INO80: variants seen among roughly 807,000 people sequenced by gnomAD.
INO80 encodes chromatin-remodeling ATPase INO80.
In INO80, 20 loss-of-function variants were observed where a neutral mutation model predicts 203.4. That is an observed-to-expected ratio of 0.10 (90% CI 0.07 to 0.14). The LOEUF (loss-of-function observed/expected upper bound fraction) is 0.14. Among genes scored for constraint, INO80 ranks in the 10% least tolerant of loss-of-function variants. The pLI is 1.00. For synonymous variants in INO80, 726 were observed against 685.2 expected, an observed-to-expected ratio of 1.06 and a Z score of -0.93; for missense variants, 1,419 against 1,914.4, an observed-to-expected ratio of 0.74 and a Z score of 4.83.
At chr15:41,106,403 A>G (rs1476384903) in intron 1 of INO80, among the ~76,000 whole-genome samples, 2 of 142,746 alleles carry the variant, frequency 1.4e-5, no homozygotes, top group African/African-American at 2.5e-5. Flanking sequence ...AAAAAAAAAG[A>G]GAAAGAAAGA....
intron 1 of INO80, among the ~76,000 whole-genome samples, chr15:41,105,523 G>A (rs536151029): frequency 1.5e-4 from 23 of 152,060 alleles, no homozygotes; most frequent in Non-Finnish European, 3.4e-4. Context: ...ACAGAAGTGC[G>A]CCAAGATTGG....
intron 26 of INO80, chr15:41,017,600 A>C (rs1409815418): frequency 2.0e-5 from 3 of 152,222 alleles, no homozygotes; most frequent in Non-Finnish European, 4.4e-5. Flanking sequence ...CAATTATTGT[A>C]TACAAGGAAC....
At chr15:41,102,549 AG>A (rs2045824449) in intron 1 of INO80, among the ~76,000 whole-genome samples, 1 of 152,020 alleles carries the variant, frequency 6.6e-6, no homozygotes, top group African/African-American at 2.4e-5. Flanking sequence ...GTTTGCCTGT[AG>A]TCCCAGCAAC....
At chr15:41,039,721 A>C (rs1023882128) in intron 24 of INO80, among the ~76,000 whole-genome samples, 1 of 152,176 alleles carries the variant, frequency 6.6e-6, no homozygotes, top group Non-Finnish European at 1.5e-5. Context: ...CCCTCCACGG[A>C]CCTTTGAGGT....
chr15:41,097,085 TTTC>T (rs1288847939), intron 1 of INO80, among the ~76,000 whole-genome samples: 3 of 152,214 alleles, frequency 2.0e-5, no homozygotes, highest in South Asian at 4.1e-4. Flanking sequence ...CTCCCACCAC[TTTC>T]TTGTTTGTTT....
intron 29 of INO80, among the ~76,000 whole-genome samples, chr15:40,988,418 G>A (rs1316137252): frequency 1.3e-5 from 2 of 152,188 alleles, no homozygotes; most frequent in African/African-American, 4.8e-5. Context: ...AGGCACAAAT[G>A]AGCTAGACAA....
At chr15:41,038,466 A>C (rs547385578) in intron 24 of INO80, among the ~76,000 whole-genome samples, 1 of 152,216 alleles carries the variant, frequency 6.6e-6, no homozygotes, top group Non-Finnish European at 1.5e-5. Context: ...TCTCCCTAAA[A>C]ATCCTTACAA....
Position 41,074,584 on chromosome 15 carries a change from G to T in INO80, c.1132-19C>A. On this transcript the variant is annotated intron_variant, in intron 9 of 35. Coordinates refer to ENST00000648947, the MANE Select transcript of INO80 (RefSeq NM_017553.3). ...TCTTGGCCTAAAGAGGGAAAAAAGT[G>T]AAAACAGAGCCAAATTATCAATGAT... The T allele has an allele frequency of 6.4e-7, 1 of 1,558,110 alleles. No individual in the cohort carries two copies. Among genetic ancestry groups the T allele is most frequent in the Non-Finnish European group, 8.7e-7 (1 of 1,144,496 alleles).
At chr15:41,111,455 A>AT (rs932000598) in intron 1 of INO80, among the ~76,000 whole-genome samples, 11 of 150,104 alleles carry the variant, frequency 7.3e-5, no homozygotes, top group Non-Finnish European at 1.5e-4. Context: ...AAAAAAAAGA[A>AT]TTTTTTTTTT....
intron 35 of INO80, 75 bp downstream of exon 35, chr15:40,982,787 G>A (rs1161785074): frequency 2.4e-6 from 3 of 1,254,436 alleles, no homozygotes; most frequent in Non-Finnish European, 3.4e-6. Context: ...TTTCCTACAT[G>A]TTCTACCTGA....
At chr15:41,054,767 T>C (rs988159114) in intron 18 of INO80, among the ~76,000 whole-genome samples, 6 of 152,164 alleles carry the variant, frequency 3.9e-5, no homozygotes, top group African/African-American at 1.4e-4. Context: ...GCCTCCCGTG[T>C]AGCTGGGATT....
intron 24 of INO80, among the ~76,000 whole-genome samples, chr15:41,033,396 T>G (rs1276801505): frequency 6.6e-6 from 1 of 151,232 alleles, no homozygotes; most frequent in African/African-American, 2.4e-5. Flanking sequence ...TGCAGTAGTG[T>G]GATCATAGCT....
Position 41,005,672 on chromosome 15 carries a change from T to C in INO80, c.3418A>G (p.Arg1140Gly). Residue 1140 changes from arginine (R) to glycine (G), a missense_variant, in exon 28 of 36, where the codon AGG becomes GGG. Physicochemically the swap from Arg to Gly is moderately radical, Grantham distance 125 (BLOSUM62 -2). This residue lies in a region of INO80 where 65 missense variants were observed against 186.7 expected (regional missense o/e 0.35). Transcript: ENST00000648947. ...IDLLEEYMVY[R>G]KHTYMRLDGS... ...TCAAGCCTCATGTAGGTATGCTTCC[T>C]GTAAACCATGTATTCCTGCCAACCA... 2 of 1,591,700 alleles carry C rather than the reference T, an allele frequency of 1.3e-6. No homozygotes were observed. Among genetic ancestry groups the C allele is most frequent in the Non-Finnish European group, 1.7e-6 (2 of 1,160,094 alleles).
chr15:40,991,454 G>A (rs1187945431), intron 29 of INO80, among the ~76,000 whole-genome samples: 1 of 152,114 alleles, frequency 6.6e-6, no homozygotes, highest in African/African-American at 2.4e-5. Context: ...ATGCACCACT[G>A]TGGAACAGGG....
intron 1 of INO80, among the ~76,000 whole-genome samples, chr15:41,108,470 T>C (rs917001440): frequency 2.6e-5 from 4 of 151,504 alleles, no homozygotes; most frequent in African/African-American, 4.9e-5. Flanking sequence ...TGGGCGCTTG[T>C]AGTCCCAGCT....
Position 41,116,073 on chromosome 15 carries a change from G to A in INO80, c.-144C>T, listed in dbSNP as rs1420350872. ...TCGCCCCGCCGACGGTGGAGCCGCG[G>A]TTCGCTCTCTGAGGCCGTGGGACGG... On this transcript the variant is annotated 5_prime_UTR_variant, in exon 1 of 36. Coordinates refer to ENST00000648947, the MANE Select transcript of INO80 (RefSeq NM_017553.3). 1.0e-5 allele frequency: 4 copies of A among 396,314 alleles called. No individual in the cohort carries two copies. The highest frequency in any genetic ancestry group is 1.8e-5 in the Non-Finnish European group (4 of 224,640). 24.5% of individuals were successfully genotyped at this position (396,314 alleles called of 1,614,324 possible).
intron 7 of INO80, among the ~76,000 whole-genome samples, chr15:41,084,884 G>A (rs1042305611): frequency 2.0e-5 from 3 of 151,890 alleles, no homozygotes; most frequent in Non-Finnish European, 2.9e-5. Context: ...CTACAAACAT[G>A]TGCCGCTACG....
At chr15:41,052,033 G>A (rs917225188) in intron 19 of INO80, among the ~76,000 whole-genome samples, 4 of 152,066 alleles carry the variant, frequency 2.6e-5, no homozygotes, top group African/African-American at 9.7e-5. Context: ...CATCTACTAG[G>A]GAGGCTGAGG....
intron 35 of INO80, among the ~76,000 whole-genome samples, chr15:40,981,722 C>A (rs1489003243): frequency 6.6e-6 from 1 of 152,212 alleles, no homozygotes; most frequent in East Asian, 1.9e-4. Flanking sequence ...TTTATAGCTA[C>A]AATCATCCTT....
Sources: gnomAD v4.1 joint callset for allele counts (sites outside exome capture counted in the v4.1 genomes callset) on GRCh38, gnomAD v4.1.1 for gene constraint, gnomAD v4.1.1 regional missense constraint, MANE v1.5 for transcripts, NCBI Gene and HGNC (gene_info 2026-07-23, HGNC 2026-07-21) for gene names.